The following MAGI1 variants were observed in gnomAD, a reference collection of about 807,000 sequenced individuals.
MAGI1 encodes the protein membrane-associated guanylate kinase, WW and PDZ domain-containing protein 1.
A neutral mutation model predicts 139.9 loss-of-function variants in MAGI1; 58 were observed. The ratio of observed to expected loss-of-function variants is 0.41; its 90% confidence interval spans 0.34 to 0.52. MAGI1 has a LOEUF of 0.52. MAGI1 is among the 20% of genes least tolerant of loss of function. MAGI1 has a pLI of 0.12. For synonymous variants in MAGI1, 812 were observed against 737.9 expected (o/e 1.10, Z -1.63); for missense variants, 1,874 against 1,901.6 (o/e 0.99, Z 0.27).
chr3:65,397,955 TAATA>T (rs975489883), intron 13 of MAGI1, among the ~76,000 whole-genome samples: 1 of 152,150 alleles, frequency 6.6e-6, no homozygotes, highest in Non-Finnish European at 1.5e-5. Context: ...ACACATAAAA[TAATA>T]AATACTTATT....
At chr3:65,382,938 T>C (rs981990087) in intron 15 of MAGI1, among the ~76,000 whole-genome samples, 11 of 152,162 alleles carry the variant, frequency 7.2e-5, no homozygotes, top group Non-Finnish European at 1.6e-4. Context: ...CACAAGGAAA[T>C]TAACGATACC....
chr3:65,995,857 G>A (rs576041958), intron 1 of MAGI1, among the ~76,000 whole-genome samples: 32 of 152,136 alleles, frequency 2.1e-4, no homozygotes, highest in African/African-American at 2.9e-4. Context: ...AGCTAGCTGC[G>A]TGTGGTAGCA....
chr3:65,566,661 A>G (rs2080667958), intron 2 of MAGI1, among the ~76,000 whole-genome samples: 1 of 152,200 alleles, frequency 6.6e-6, no homozygotes, highest in Non-Finnish European at 1.5e-5. Flanking sequence ...TGTGGATCAT[A>G]TAATTGTGTC....
intron 1 of MAGI1, among the ~76,000 whole-genome samples, chr3:65,791,397 C>T (rs1186942122): frequency 6.6e-6 from 1 of 152,152 alleles, no homozygotes; most frequent in African/African-American, 2.4e-5. Context: ...AGCCTACAGC[C>T]TGCTGATACC....
intron 12 of MAGI1, among the ~76,000 whole-genome samples, chr3:65,403,586 G>T (rs192437505): frequency 1.6e-4 from 24 of 152,104 alleles, no homozygotes; most frequent in Non-Finnish European, 3.4e-4. Flanking sequence ...TTAGTTAATT[G>T]GAATCAGCAA....
chr3:65,651,644 CCTT>C (rs1185654624), intron 1 of MAGI1, among the ~76,000 whole-genome samples: 1 of 152,248 alleles, frequency 6.6e-6, no homozygotes, highest in South Asian at 2.1e-4. Context: ...TTATTTGTCT[CCTT>C]CTTTTTCTCA....
intron 1 of MAGI1, among the ~76,000 whole-genome samples, chr3:66,010,077 CAAAAAAAAAAAAAAAA>C (rs60882502): frequency 2.9e-5 from 2 of 69,780 alleles, no homozygotes; most frequent in East Asian, 5.1e-4. Context: ...CTCTCTGTCT[CAAAAAAAAAAAAAAAA>C]AAAAAAAAAA....
At chr3:65,832,533 T>C (rs1404968615) in intron 1 of MAGI1, among the ~76,000 whole-genome samples, 1 of 152,052 alleles carries the variant, frequency 6.6e-6, no homozygotes, top group African/African-American at 2.4e-5. Flanking sequence ...TTCTGTTCAT[T>C]CATCTTTCAA....
chr3:65,445,057 A>G (rs1948592625), intron 7 of MAGI1, among the ~76,000 whole-genome samples: 1 of 152,150 alleles, frequency 6.6e-6, no homozygotes, highest in Non-Finnish European at 1.5e-5. Flanking sequence ...TTAAGCAAAC[A>G]CTCTAAAGAC....
chr3:65,875,949 C>T (rs1371961045), intron 1 of MAGI1, among the ~76,000 whole-genome samples: 1 of 152,008 alleles, frequency 6.6e-6, no homozygotes, highest in African/African-American at 2.4e-5. Flanking sequence ...CACATTAAAG[C>T]AAGTGGACAG....
intron 21 of MAGI1, among the ~76,000 whole-genome samples, chr3:65,361,613 A>G (rs1940865126): frequency 6.6e-6 from 1 of 152,232 alleles, no homozygotes; most frequent in Non-Finnish European, 1.5e-5. Flanking sequence ...GAAGGCTCCC[A>G]TGATTTCTGC....
At chr3:65,911,131 T>C (rs1487667015) in intron 1 of MAGI1, among the ~76,000 whole-genome samples, 3 of 151,594 alleles carry the variant, frequency 2.0e-5, no homozygotes, top group Non-Finnish European at 4.4e-5. Context: ...GTGATAGGAT[T>C]ACAAGAGTGA....
rs774387985 is a variant in MAGI1, at chr3:65,429,746, G to T, written c.1941C>A (p.Val647=). 6.2e-7 allele frequency: 1 copy of T among 1,613,840 alleles called. No individual in the cohort carries two copies. The highest frequency in any genetic ancestry group is 1.7e-5 in the Admixed American group (1 of 59,948). Residue 647 remains valine (V), a synonymous_variant, in exon 12 of 23, where the codon GTC becomes GTA. Transcript: ENST00000402939. ...TQPELITVHI[V]KGPMGFGFTI... ...TAAAACCAAAGCCCATTGGCCCTTT[G>T]ACAATATGAACAGTTATGAGTTCTG...
intron 2 of MAGI1, among the ~76,000 whole-genome samples, chr3:65,517,814 G>GA (rs1406741169): frequency 6.6e-6 from 1 of 152,080 alleles, no homozygotes; most frequent in Non-Finnish European, 1.5e-5. Context: ...GCTGCTTTCT[G>GA]AAGTTATTTC....
chr3:65,388,378 C>A (rs1419230599), intron 14 of MAGI1, among the ~76,000 whole-genome samples: 5 of 152,012 alleles, frequency 3.3e-5, no homozygotes, highest in African/African-American at 7.2e-5. Context: ...TTGCTGACTT[C>A]AATTTTCCTG....
intron 1 of MAGI1, among the ~76,000 whole-genome samples, chr3:65,682,722 A>G (rs1441284354): frequency 6.6e-6 from 1 of 152,134 alleles, no homozygotes; most frequent in Non-Finnish European, 1.5e-5. Context: ...AGCTTGATCC[A>G]CTCAAGGAAA....
At chr3:65,407,875 T>C (rs1205133920) in intron 12 of MAGI1, among the ~76,000 whole-genome samples, 1 of 152,198 alleles carries the variant, frequency 6.6e-6, no homozygotes, top group Non-Finnish European at 1.5e-5. Context: ...ATACTGGCCT[T>C]AGCGCAGTGC....
intron 1 of MAGI1, among the ~76,000 whole-genome samples, chr3:65,714,751 T>C (rs569166716): frequency 6.6e-6 from 1 of 152,150 alleles, no homozygotes; most frequent in African/African-American, 2.4e-5. Context: ...GACATCACAG[T>C]CTCTTTTAAG....
intron 2 of MAGI1, among the ~76,000 whole-genome samples, chr3:65,525,109 C>A (rs1260393608): frequency 6.6e-6 from 1 of 152,092 alleles, no homozygotes; most frequent in Non-Finnish European, 1.5e-5. Flanking sequence ...CATCCCTAGA[C>A]TCAAATTTAC....
Sources: allele counts gnomAD v4.1 joint callset (sites outside exome capture counted in the v4.1 genomes callset), GRCh38; gene constraint gnomAD v4.1.1; transcripts MANE v1.5; gene names NCBI Gene and HGNC (gene_info 2026-07-23, HGNC 2026-07-21).